The following FREM2 variants were observed in gnomAD, a reference collection of about 807,000 sequenced individuals.
FREM2 encodes FRAS1 related extracellular matrix 2, also known as FRAS1-related extracellular matrix protein 2.
A neutral mutation model predicts 219.9 loss-of-function variants in FREM2; 119 were observed. The ratio of observed to expected loss-of-function variants is 0.54; its 90% CI spans 0.47 to 0.63. FREM2 has a LOEUF of 0.63. Among genes scored for constraint, FREM2 ranks in the 30% least tolerant of loss-of-function variants. The probability of loss-of-function intolerance (pLI) is 0.00; values close to 1 mark genes in which losing one functional copy is unlikely to be tolerated. For synonymous variants in FREM2, 1,562 were observed against 1,522.8 expected (o/e 1.03, Z -0.60); for missense variants, 4,030 against 3,993.6 (o/e 1.01, Z -0.25).
chr13:38,874,688 TTAATC>T, intron 18 of FREM2, 102 bp downstream of exon 18: 1 of 888,504 alleles, frequency 1.1e-6, no homozygotes, highest in South Asian at 1.3e-5. Flanking sequence ...ACTGAAGCCC[TTAATC>T]TCAAATGAAT....
chr13:38,862,062 G>T (rs1877782319), intron 15 of FREM2, among the ~76,000 whole-genome samples: 1 of 152,206 alleles, frequency 6.6e-6, no homozygotes, highest in Admixed American at 6.5e-5. Context: ...GCCATGACCA[G>T]AATGTGTGCA....
intron 6 of FREM2, among the ~76,000 whole-genome samples, chr13:38,821,090 G>C (rs530965329): frequency 6.6e-6 from 1 of 152,246 alleles, no homozygotes; most frequent in East Asian, 1.9e-4. Flanking sequence ...CTCATTAGGA[G>C]TCCTTATGGT....
In FREM2 at chr13:38,699,130, T is replaced by TA. The variant is rs1870240756; in HGVS notation, c.5263+1348dup. On this transcript the variant is annotated intron_variant, in intron 2 of 23. Transcript: ENST00000280481. Reference sequence around the variant, plus strand: ...ATAATCCAAATCTCTGTAACATATATAAAAATTTAAGGATGAAATTATTGG... The same window carrying TA: ...ATAATCCAAATCTCTGTAACATATATAAAAAATTTAAGGATGAAATTATTGG... Among the ~76,000 whole-genome samples the TA allele has an allele frequency of 5.9e-5, 9 of 152,244 alleles. No individual in the cohort carries two copies. The South Asian group carries it at 1.9e-3, about 32-fold the overall frequency.
chr13:38,715,385 A>G (rs1386033323), intron 2 of FREM2, among the ~76,000 whole-genome samples: 1 of 152,158 alleles, frequency 6.6e-6, no homozygotes, highest in Non-Finnish European at 1.5e-5. Context: ...AATAAACGAA[A>G]AGTGGACTCT....
At chr13:38,697,089 C>T (rs956768883) in intron 1 of FREM2, among the ~76,000 whole-genome samples, 2 of 152,166 alleles carry the variant, frequency 1.3e-5, no homozygotes, top group African/African-American at 4.8e-5. Flanking sequence ...CATGAGCCAC[C>T]GTGTCCAGCC....
At chr13:38,791,039 G>A (rs1593409824) in intron 6 of FREM2, among the ~76,000 whole-genome samples, 1 of 152,096 alleles carries the variant, frequency 6.6e-6, no homozygotes, top group East Asian at 1.9e-4. Context: ...TGGCAAAGCA[G>A]GAAAAATTGG....
intron 12 of FREM2, among the ~76,000 whole-genome samples, chr13:38,857,187 C>T (rs1176184821): frequency 2.6e-5 from 4 of 152,070 alleles, no homozygotes; most frequent in Non-Finnish European, 4.4e-5. Context: ...TTACTTCCAG[C>T]GATGAAAGCT....
intron 2 of FREM2, among the ~76,000 whole-genome samples, chr13:38,738,084 A>C (rs779438269): frequency 3.9e-5 from 6 of 152,156 alleles, no homozygotes; most frequent in Non-Finnish European, 8.8e-5. Flanking sequence ...GGAGTGACTG[A>C]ATCACAGAAG....
At position 38,883,682 on chromosome 13, in the gene FREM2, G is replaced by T. The variant is rs564723355; in HGVS notation, c.*2895G>T. 2 of 152,218 alleles carry T rather than the reference G, an allele frequency of 1.3e-5. No homozygotes were observed. The highest frequency in any genetic ancestry group is 4.8e-5 in the African/African-American group (2 of 41,538). 9.4% of individuals were successfully genotyped at this position (152,218 alleles called of 1,614,324 possible). A position where few individuals can be genotyped will look rare whatever the true frequency, so the allele number is the denominator to read the frequency against. On this transcript the variant is annotated 3_prime_UTR_variant, in exon 24 of 24. Transcript: ENST00000280481. ...ACCAAGCTCCACTTGCTGTCCTTGG[G>T]AAGGTTATAACTGAATGCAGCTCTT...
intron 2 of FREM2, among the ~76,000 whole-genome samples, 197 bp from the exon 3 acceptor site, chr13:38,764,107 T>A (rs1227260883): frequency 6.6e-6 from 1 of 152,204 alleles, no homozygotes; most frequent in East Asian, 1.9e-4. Context: ...TTGTGAAGAA[T>A]TATGTCAGCG....
intron 22 of FREM2, among the ~76,000 whole-genome samples, chr13:38,878,534 G>T (rs749070734): frequency 4.0e-5 from 6 of 151,352 alleles, no homozygotes; most frequent in Non-Finnish European, 7.4e-5. Context: ...TAAAAAATTA[G>T]CCGAGCATCG....
At chr13:38,697,885 T>C (rs111243804) in intron 2 of FREM2, 98 bp downstream of exon 2, 18 of 753,334 alleles carry the variant, frequency 2.4e-5, no homozygotes, top group African/African-American at 1.4e-4. Context: ...TCAAGTAATA[T>C]TTCATGATCA....
intron 2 of FREM2, among the ~76,000 whole-genome samples, chr13:38,722,977 T>A (rs1871354893): frequency 6.6e-6 from 1 of 152,106 alleles, no homozygotes; most frequent in Admixed American, 6.5e-5. Context: ...CTGCCTATAA[T>A]CCCAGCACTT....
chr13:38,800,721 C>T lies in FREM2; in HGVS notation c.6019+15913C>T, dbSNP rs376417130. 5.9e-5 allele frequency among the ~76,000 whole-genome samples: 9 copies of T among 152,290 alleles called. No homozygotes were observed. In the South Asian group the frequency reaches 1.9e-3, roughly 32 times the overall value. On this transcript the variant is annotated intron_variant, in intron 6 of 23. Transcript: ENST00000280481. ...CTCAGCTCACTGCAAACTCCACCTC[C>T]CGGGTTGAAGCAATTCTCTTGCCTC... is the stretch of plus-strand genomic sequence containing the variant.
Position 38,797,689 on chromosome 13 carries a change from T to C in FREM2, c.6019+12881T>C, listed in dbSNP as rs373397796. 6.6e-5 allele frequency among the ~76,000 whole-genome samples: 10 copies of C among 152,236 alleles called. No individual in the cohort carries two copies. The East Asian group carries it at 1.3e-3, about 21-fold the overall frequency. On this transcript the variant is annotated intron_variant, in intron 6 of 23. Coordinates refer to ENST00000280481, the MANE Select transcript of FREM2 (RefSeq NM_207361.6). ...GCTGTAAAATCTGCCTAGACAAATG[T>C]TCCCAAGTTTTCCCCATTTTTTTCC...
chr13:38,877,253 T>G lies in FREM2; in HGVS notation c.8671+10T>G. ...GTTGCTTTTGCAGAAGGTATCACTT[T>G]ACAAATGAGAGGGATGCTCTGTTTG... On this transcript the variant is annotated intron_variant, in intron 21 of 23. Transcript: ENST00000280481. 2.5e-6 allele frequency: 4 copies of G among 1,613,916 alleles called. No homozygotes were observed. The highest frequency in any genetic ancestry group is 3.4e-6 in the Non-Finnish European group (4 of 1,179,794).
chr13:38,699,936 C>T (rs1870276962), intron 2 of FREM2, among the ~76,000 whole-genome samples: 1 of 152,028 alleles, frequency 6.6e-6, no homozygotes. Flanking sequence ...ATCTATAAGT[C>T]ATCCCGATGA....
rs1878606708 is a variant in FREM2 at position 38,883,163 on chromosome 13, T to C, written c.*2376T>C. ...TTTATTCCCTTGAAAAAAGAGAATC[T>C]GTGGGAAATAGGCAGATATAGCTTT... is the stretch of plus-strand genomic sequence containing the variant. On this transcript the variant is annotated 3_prime_UTR_variant, in exon 24 of 24. Transcript: ENST00000280481. 1 of 152,132 alleles carries C rather than the reference T, an allele frequency of 6.6e-6. No homozygotes were observed. The highest frequency in any genetic ancestry group is 2.1e-4 in the South Asian group (1 of 4,826). The allele number at this position is 152,132 out of a possible 1,614,324, so 9.4% of individuals were successfully genotyped here. A position where few individuals can be genotyped will look rare whatever the true frequency, so the allele number is the denominator to read the frequency against.
At chr13:38,874,689 T>A in intron 18 of FREM2, 103 bp downstream of exon 18, 1 of 868,016 alleles carries the variant, frequency 1.2e-6, no homozygotes, top group Non-Finnish European at 2.0e-6. Flanking sequence ...CTGAAGCCCT[T>A]AATCTCAAAT....
Sources: allele counts gnomAD v4.1 joint callset (sites outside exome capture counted in the v4.1 genomes callset), GRCh38; gene constraint gnomAD v4.1.1; transcripts MANE v1.5; gene names NCBI Gene and HGNC (gene_info 2026-07-23, HGNC 2026-07-21).